ATG10: variants seen among roughly 807,000 people sequenced by gnomAD.
The protein encoded by ATG10 is autophagy related 10.
ATG10 carries 30 observed loss-of-function variants against 32.1 expected under a neutral mutation model. That is an observed-to-expected ratio of 0.94 (90% CI 0.70 to 1.27). The LOEUF (loss-of-function observed/expected upper bound fraction) is 1.27. ATG10 is among the 50% of genes most tolerant of loss of function. ATG10 has a pLI of 0.00. For synonymous variants in ATG10, 87 were observed against 91.5 expected (o/e 0.95, Z 0.28); for missense variants, 233 against 262.3 (o/e 0.89, Z 0.77).
At chr5:82,231,376 TAAG>T (rs1206085252) in intron 5 of ATG10, among the ~76,000 whole-genome samples, 1 of 152,202 alleles carries the variant, frequency 6.6e-6, no homozygotes, top group Non-Finnish European at 1.5e-5. Context: ...TTTTTAAAAA[TAAG>T]AAGTTGTCAT....
chr5:82,022,828 G>C (rs566773245), intron 2 of ATG10, among the ~76,000 whole-genome samples: 27 of 151,774 alleles, frequency 1.8e-4, no homozygotes, highest in Non-Finnish European at 3.8e-4. Flanking sequence ...GTTCGAGGCA[G>C]GGTCAAGACT....
chr5:82,185,531 T>C (rs1424020406), intron 5 of ATG10, among the ~76,000 whole-genome samples: 3 of 152,214 alleles, frequency 2.0e-5, no homozygotes, highest in African/African-American at 4.8e-5. Context: ...GAGTTCCTTT[T>C]GAAGACTTCG....
chr5:82,240,462 T>G (rs6452450), intron 5 of ATG10, among the ~76,000 whole-genome samples: 1 of 151,526 alleles, frequency 6.6e-6, no homozygotes, highest in African/African-American at 2.4e-5. Flanking sequence ...GAAGTTAAAA[T>G]AATTGATCTC....
intron 3 of ATG10, among the ~76,000 whole-genome samples, chr5:82,080,467 G>C (rs1764437132): frequency 6.6e-6 from 1 of 152,136 alleles, no homozygotes; most frequent in South Asian, 2.1e-4. Flanking sequence ...TATTGCCTAG[G>C]TTTTCTTCTA....
chr5:82,086,000 T>C (rs1162669822), intron 3 of ATG10, among the ~76,000 whole-genome samples: 1 of 152,152 alleles, frequency 6.6e-6, no homozygotes, highest in African/African-American at 2.4e-5. Flanking sequence ...AACTTAAGAA[T>C]TTTAAATAAA....
chr5:82,082,099 G>T (rs1254889582), intron 3 of ATG10, among the ~76,000 whole-genome samples: 1 of 152,114 alleles, frequency 6.6e-6, no homozygotes, highest in Non-Finnish European at 1.5e-5. Context: ...CTTCCACTGG[G>T]TTCCTCCCAT....
intron 3 of ATG10, among the ~76,000 whole-genome samples, chr5:82,143,298 G>A (rs938197590): frequency 6.6e-6 from 1 of 152,256 alleles, no homozygotes; most frequent in African/African-American, 2.4e-5. Flanking sequence ...GAGGATGAGT[G>A]AAACTCAGTA....
At chr5:81,975,647 C>A (rs1009572744) in intron 1 of ATG10, among the ~76,000 whole-genome samples, 1 of 151,814 alleles carries the variant, frequency 6.6e-6, no homozygotes, top group African/African-American at 2.4e-5. Flanking sequence ...GTATCACTGC[C>A]CTCCAACCTG....
chr5:82,182,854 C>T (rs536108843), intron 5 of ATG10, among the ~76,000 whole-genome samples: 2 of 152,076 alleles, frequency 1.3e-5, no homozygotes, highest in East Asian at 3.9e-4. Flanking sequence ...CAAGATGTTA[C>T]CATTGGGGGA....
chr5:82,205,669 G>A (rs1444603286), intron 5 of ATG10, among the ~76,000 whole-genome samples: 1 of 152,198 alleles, frequency 6.6e-6, no homozygotes, highest in East Asian at 1.9e-4. Context: ...GAGATTTTAT[G>A]GCTTTAGAAC....
intron 3 of ATG10, among the ~76,000 whole-genome samples, chr5:82,118,561 A>G (rs543143763): frequency 1.3e-5 from 2 of 151,690 alleles, no homozygotes; most frequent in South Asian, 2.1e-4. Context: ...CTTAGCTAAG[A>G]CATGAAATGC....
At chr5:82,238,726 A>C (rs1746668887) in intron 5 of ATG10, among the ~76,000 whole-genome samples, 1 of 152,174 alleles carries the variant, frequency 6.6e-6, no homozygotes, top group African/African-American at 2.4e-5. Flanking sequence ...AATCTTACCC[A>C]CAATAAGTAT....
At chr5:82,000,834 T>G (rs1761827326) in intron 2 of ATG10, among the ~76,000 whole-genome samples, 1 of 152,156 alleles carries the variant, frequency 6.6e-6, no homozygotes, top group African/African-American at 2.4e-5. Flanking sequence ...TTTTTGTATT[T>G]TCAGTAGAGA....
chr5:82,124,499 C>T (rs1481133089), intron 3 of ATG10, among the ~76,000 whole-genome samples: 1 of 151,508 alleles, frequency 6.6e-6, no homozygotes, highest in Non-Finnish European at 1.5e-5. Flanking sequence ...CCTCCCTGTG[C>T]CGTGCATTCT....
chr5:82,158,126 G>A (rs184486388), intron 3 of ATG10, among the ~76,000 whole-genome samples: 2 of 152,020 alleles, frequency 1.3e-5, no homozygotes, highest in South Asian at 2.1e-4. Flanking sequence ...AGCTTAATTC[G>A]TATCAGATTT....
At chr5:82,099,143 A>T (rs1418398383) in intron 3 of ATG10, among the ~76,000 whole-genome samples, 2 of 152,196 alleles carry the variant, frequency 1.3e-5, no homozygotes, top group East Asian at 3.8e-4. Context: ...AAGATACTAG[A>T]TATTTGTCAG....
rs183138945 is a variant in ATG10, at chr5:82,008,819, C to G, written c.108+21141C>G. Among the ~76,000 whole-genome samples, 495 of 152,258 alleles carry G rather than the reference C, an allele frequency of 3.3e-3. 7 individuals carry two copies. The highest frequency in any genetic ancestry group is 2.9e-3 in the Non-Finnish European group (195 of 68,022). ...GTCAAAGGACAGATTATGTCTATAT[C>G]TAATCTGACTTATATATACTAGACA... On this transcript the variant is annotated intron_variant, in intron 2 of 7. Coordinates refer to ENST00000282185, the MANE Select transcript of ATG10 (RefSeq NM_031482.5).
At chr5:82,109,991 T>G (rs980389289) in intron 3 of ATG10, among the ~76,000 whole-genome samples, 4 of 136,706 alleles carry the variant, frequency 2.9e-5, no homozygotes, top group Non-Finnish European at 6.2e-5. Context: ...GATGTTCCCC[T>G]TCCTGTGTCC....
intron 3 of ATG10, among the ~76,000 whole-genome samples, chr5:82,096,818 C>G (rs764563636): frequency 1.3e-5 from 2 of 152,196 alleles, no homozygotes; most frequent in Non-Finnish European, 2.9e-5. Flanking sequence ...CATATCCTTT[C>G]ATACTGTGCT....
Sources: gnomAD v4.1 joint callset for allele counts (sites outside exome capture counted in the v4.1 genomes callset) on GRCh38, gnomAD v4.1.1 for gene constraint, MANE v1.5 for transcripts, NCBI Gene and HGNC (gene_info 2026-07-23, HGNC 2026-07-21) for gene names.